Variants in TRAPPC9 observed in about 807,000 individuals in gnomAD.
The protein encoded by TRAPPC9 is IKK2 binding protein.
TRAPPC9 carries 83 observed loss-of-function variants against 124.0 expected under a neutral mutation model. The ratio of observed to expected loss-of-function variants is 0.67; its 90% CI spans 0.56 to 0.80. TRAPPC9 has a LOEUF of 0.80. Ranked by LOEUF, TRAPPC9 falls within the 30% of genes least tolerant of loss-of-function variation. TRAPPC9 has a pLI of 0.00. For synonymous variants in TRAPPC9, 638 were observed against 617.5 expected (o/e 1.03, Z -0.49); for missense variants, 1,302 against 1,508.3 (o/e 0.86, Z 2.27).
At chr8:139,815,062 T>C (rs1824735351) in intron 21 of TRAPPC9, among the ~76,000 whole-genome samples, 1 of 152,170 alleles carries the variant, frequency 6.6e-6, no homozygotes, top group Non-Finnish European at 1.5e-5. Context: ...CCAGGTCCTG[T>C]TGTGGGTCAG....
chr8:140,284,413 A>G (rs1304959961), intron 13 of TRAPPC9, among the ~76,000 whole-genome samples: 3 of 152,246 alleles, frequency 2.0e-5, no homozygotes, highest in African/African-American at 4.8e-5. Flanking sequence ...TGACTTAATG[A>G]GTATGTGAAA....
At chr8:140,346,186 G>A (rs1447506499) in intron 9 of TRAPPC9, among the ~76,000 whole-genome samples, 1 of 152,226 alleles carries the variant, frequency 6.6e-6, no homozygotes, top group African/African-American at 2.4e-5. Context: ...AAACTGCCTG[G>A]AGTGCATCGG....
intron 19 of TRAPPC9, among the ~76,000 whole-genome samples, chr8:139,971,832 A>AG (rs1836120661): frequency 7.2e-6 from 1 of 139,632 alleles, no homozygotes; most frequent in African/African-American, 2.6e-5. Flanking sequence ...CACACACACA[A>AG]TTTTTTTTTT....
intron 21 of TRAPPC9, among the ~76,000 whole-genome samples, chr8:139,824,495 T>C (rs772735319): frequency 6.6e-6 from 1 of 152,216 alleles, no homozygotes; most frequent in Non-Finnish European, 1.5e-5. Flanking sequence ...GGATGCTCCA[T>C]GGGAACACCC....
intron 5 of TRAPPC9, among the ~76,000 whole-genome samples, chr8:140,425,443 A>G (rs1374083875): frequency 2.6e-5 from 4 of 152,126 alleles, no homozygotes; most frequent in Non-Finnish European, 5.9e-5. Context: ...GAATCTCCTC[A>G]CTTTTCCTCC....
At chr8:139,856,930 C>T (rs903484255) in intron 21 of TRAPPC9, among the ~76,000 whole-genome samples, 3 of 152,120 alleles carry the variant, frequency 2.0e-5, no homozygotes, top group African/African-American at 7.2e-5. Flanking sequence ...CGCTGCTGAG[C>T]ACAGGGACAC....
At chr8:139,749,036 T>A (rs545173882) in intron 21 of TRAPPC9, among the ~76,000 whole-genome samples, 1 of 152,230 alleles carries the variant, frequency 6.6e-6, no homozygotes, top group African/African-American at 2.4e-5. Flanking sequence ...GATGTAGAAA[T>A]GACGACTTCA....
At chr8:139,918,255 G>A (rs1832273073) in intron 19 of TRAPPC9, among the ~76,000 whole-genome samples, 1 of 152,218 alleles carries the variant, frequency 6.6e-6, no homozygotes, top group Non-Finnish European at 1.5e-5. Flanking sequence ...ATCAGGAAAC[G>A]GTGGCCTCTT....
chr8:140,355,527 A>G (rs1006128833), intron 9 of TRAPPC9, among the ~76,000 whole-genome samples: 1 of 152,238 alleles, frequency 6.6e-6, no homozygotes, highest in African/African-American at 2.4e-5. Flanking sequence ...GATTTTAAAC[A>G]TATATTCTCC....
At chr8:140,158,123 G>C (rs981002748) in intron 17 of TRAPPC9, among the ~76,000 whole-genome samples, 1 of 151,624 alleles carries the variant, frequency 6.6e-6, no homozygotes, top group African/African-American at 2.4e-5. Flanking sequence ...TTTTTTCTTC[G>C]ACATGAAATT....
chr8:139,809,559 C>T (rs1824295106), intron 21 of TRAPPC9, among the ~76,000 whole-genome samples: 1 of 152,198 alleles, frequency 6.6e-6, no homozygotes, highest in African/African-American at 2.4e-5. Context: ...CACAGCAGGG[C>T]CTTTCTGTGG....
chr8:140,159,068 C>T lies in TRAPPC9; in HGVS notation c.2556+62391G>A, dbSNP rs111492839. On this transcript the variant is annotated intron_variant, in intron 17 of 22. Transcript: ENST00000438773. Reference sequence around the variant, plus strand: ...CTTGGCGGAAGTTCCCTGCCAGGGACGGACCCGGGAAGTGGAGAGCCAGGC... The same window carrying T: ...CTTGGCGGAAGTTCCCTGCCAGGGATGGACCCGGGAAGTGGAGAGCCAGGC... Among the ~76,000 whole-genome samples, 715 of 152,286 alleles carry T rather than the reference C, an allele frequency of 4.7e-3. 7 individuals are homozygous for T. The highest frequency in any genetic ancestry group is 0.016 in the African/African-American group (684 of 41,558).
At chr8:140,211,387 T>C (rs2063058148) in intron 17 of TRAPPC9, among the ~76,000 whole-genome samples, 3 of 152,146 alleles carry the variant, frequency 2.0e-5, no homozygotes, top group Admixed American at 2.0e-4. Flanking sequence ...GTTGAAATCC[T>C]GTCTCTGCAA....
intron 14 of TRAPPC9, among the ~76,000 whole-genome samples, chr8:140,283,338 A>C (rs1264215010): frequency 9.1e-6 from 1 of 110,106 alleles, no homozygotes; most frequent in Non-Finnish European, 1.7e-5. Context: ...TCTGTCGCCC[A>C]GGCTGGAGTG....
At chr8:139,838,725 G>C (rs1365713829) in intron 21 of TRAPPC9, among the ~76,000 whole-genome samples, 1 of 152,202 alleles carries the variant, frequency 6.6e-6, no homozygotes, top group Non-Finnish European at 1.5e-5. Flanking sequence ...GCAGCCTCAT[G>C]GAACACTCTT....
intron 20 of TRAPPC9, among the ~76,000 whole-genome samples, chr8:139,908,371 T>A (rs1390382341): frequency 6.6e-6 from 1 of 152,010 alleles, no homozygotes; most frequent in African/African-American, 2.4e-5. Flanking sequence ...GAGACCCGAG[T>A]AAGAGATGCC....
chr8:140,282,050 A>G (rs554275566), intron 14 of TRAPPC9, among the ~76,000 whole-genome samples: 2 of 152,360 alleles, frequency 1.3e-5, no homozygotes, highest in South Asian at 2.1e-4. Flanking sequence ...CAGGACTGTC[A>G]TGATCAGTGC....
chr8:139,864,331 G>A (rs758366852), intron 21 of TRAPPC9, among the ~76,000 whole-genome samples: 2 of 152,136 alleles, frequency 1.3e-5, no homozygotes, highest in East Asian at 1.9e-4. Context: ...TGCAAAATTC[G>A]GGGATATAAA....
chr8:140,450,804 C>T lies in TRAPPC9; in HGVS notation c.570G>A (p.Leu190=). ...GGTAAGCTTACCTGCTGTCTGTGTC[C>T]AGTCCTACAAAGTCCTTTTTCTCAA... ...VPFEKKDFVG[L]DTDSRHYKKR... Residue 190 remains leucine, a synonymous_variant, in exon 2 of 23, where the codon CTG becomes CTA. Coordinates refer to ENST00000438773, the MANE Select transcript of TRAPPC9 (RefSeq NM_001160372.4). 1 of 1,609,040 alleles carries T rather than the reference C, an allele frequency of 6.2e-7. No individual in the cohort carries two copies. Among genetic ancestry groups the T allele is most frequent in the Non-Finnish European group, 8.5e-7 (1 of 1,177,576 alleles).
Sources: allele counts gnomAD v4.1 joint callset (sites outside exome capture counted in the v4.1 genomes callset), GRCh38; gene constraint gnomAD v4.1.1; transcripts MANE v1.5; gene names NCBI Gene and HGNC (gene_info 2026-07-23, HGNC 2026-07-21).